The following STRA8 variants were observed in gnomAD, a reference collection of about 807,000 sequenced individuals.
STRA8 encodes the protein stimulated by retinoic acid 8, also known as stimulated by retinoic acid gene 8 protein homolog.
Under a neutral mutation model 37.1 loss-of-function variants are expected in STRA8, and 18 were observed. The observed-to-expected ratio is 0.48, with a 90% confidence interval of 0.34 to 0.72. The LOEUF is 0.72. Ranked by LOEUF, STRA8 falls within the 30% of genes least tolerant of loss-of-function variation. STRA8 has a pLI of 0.01. For synonymous variants in STRA8, 168 were observed against 162.9 expected (o/e 1.03, Z -0.24); for missense variants, 357 against 410.4 (o/e 0.87, Z 1.13).
intron 1 of STRA8, among the ~76,000 whole-genome samples, chr7:135,239,518 G>A (rs1000193538): frequency 1.3e-5 from 2 of 152,174 alleles, no homozygotes; most frequent in African/African-American, 2.4e-5. Context: ...AGCACCTAAT[G>A]GGGGCCAGGC....
intron 7 of STRA8, among the ~76,000 whole-genome samples, chr7:135,253,700 A>G (rs1215844894): frequency 3.3e-5 from 5 of 152,204 alleles, no homozygotes; most frequent in African/African-American, 4.8e-5. Flanking sequence ...TTCTGAGAGA[A>G]ATCCTTTAGG....
chr7:135,236,669 G>A (rs1186092006), intron 1 of STRA8, among the ~76,000 whole-genome samples: 1 of 152,104 alleles, frequency 6.6e-6, no homozygotes, highest in Non-Finnish European at 1.5e-5. Flanking sequence ...GATTTTTGAA[G>A]GCTTCTCAAT....
intron 4 of STRA8, 41 bp downstream of exon 4, chr7:135,243,451 G>A (rs1832498148): frequency 1.9e-6 from 3 of 1,593,678 alleles, no homozygotes; most frequent in Non-Finnish European, 2.6e-6. Context: ...GACCTGCTGT[G>A]TCCTCACAGC....
At position 135,246,848 on chromosome 7, in the gene STRA8, CTTTTT is replaced by C. The variant is rs144431845; in HGVS notation, c.879+156_879+160del. 2 of 676,208 alleles carry C rather than the reference CTTTTT, an allele frequency of 3.0e-6. No individual in the cohort carries two copies. The highest frequency in any genetic ancestry group is 2.0e-5 in the African/African-American group (1 of 50,492). 41.9% of individuals were successfully genotyped at this position (676,208 alleles called of 1,614,324 possible). A position where few individuals can be genotyped will look rare whatever the true frequency, so the allele number is the denominator to read the frequency against. On this transcript the variant is annotated intron_variant, in intron 6 of 8. Coordinates refer to ENST00000662584, the MANE Select transcript of STRA8 (RefSeq NM_001394401.1). The surrounding 1 kb of genome is among the most constrained non-coding windows in gnomAD (Gnocchi z 5.4). ...GTCGGTTTCTGATTTTCTTTTTTCTCTTTTTTTTTTTTTTGAGACGGAGTCTCGCT... is the reference window on the plus strand; with the variant it reads ...GTCGGTTTCTGATTTTCTTTTTTCTCTTTTTTTTTGAGACGGAGTCTCGCT...
At chr7:135,235,443 C>CT (rs35888510) in intron 1 of STRA8, among the ~76,000 whole-genome samples, 44,659 of 135,652 alleles carry the variant, frequency 0.33, 7,507 homozygotes, top group East Asian at 0.43. Context: ...ATGAGCATGA[C>CT]TTTTTTTTTT....
chr7:135,232,868 CCT>C (rs1406651619), upstream of STRA8, among the ~76,000 whole-genome samples: 1 of 152,168 alleles, frequency 6.6e-6, no homozygotes, highest in Non-Finnish European at 1.5e-5. Flanking sequence ...GCCTGTGACC[CCT>C]GTTTCACCCC....
chr7:135,235,140 AG>A (rs1174473022), intron 1 of STRA8, among the ~76,000 whole-genome samples: 2 of 151,934 alleles, frequency 1.3e-5, no homozygotes, highest in Non-Finnish European at 1.5e-5. Context: ...CCAAAGTGCT[AG>A]GATTACAGGC....
intron 6 of STRA8, among the ~76,000 whole-genome samples, chr7:135,250,017 C>T (rs373204453): frequency 2.0e-5 from 3 of 152,344 alleles, no homozygotes; most frequent in East Asian, 3.9e-4. Flanking sequence ...ACTCCCATGC[C>T]CGAGGCAGGG....
chr7:135,233,374 C>A (rs553636796), upstream of STRA8, among the ~76,000 whole-genome samples: 1 of 152,082 alleles, frequency 6.6e-6, no homozygotes, highest in Admixed American at 6.5e-5. Context: ...CATGTTTTCG[C>A]TTGAGGCAGC....
chr7:135,232,238 C>T (rs1832303764), upstream of STRA8, among the ~76,000 whole-genome samples: 1 of 151,700 alleles, frequency 6.6e-6, no homozygotes, highest in Non-Finnish European at 1.5e-5. Flanking sequence ...TTCACAAACC[C>T]CTAGGTCCCC....
intron 1 of STRA8, among the ~76,000 whole-genome samples, chr7:135,236,270 G>A (rs911771477): frequency 3.5e-5 from 5 of 142,020 alleles, no homozygotes; most frequent in African/African-American, 7.8e-5. Context: ...ATATATATGT[G>A]TGTGTGTATG....
At position 135,250,687 on chromosome 7, in the gene STRA8, C is replaced by T. The variant is rs532197826; in HGVS notation, c.880-1109C>T. On this transcript the variant is annotated intron_variant, in intron 6 of 8. Transcript: ENST00000662584. Reference sequence around the variant, plus strand: ...AGAGAACTTCCTCTCCTCTCCTAGGCGTGATTGCCAGTGCAAAGGAGATGT... The same window carrying T: ...AGAGAACTTCCTCTCCTCTCCTAGGTGTGATTGCCAGTGCAAAGGAGATGT... 8.5e-5 allele frequency among the ~76,000 whole-genome samples: 13 copies of T among 152,316 alleles called. No homozygotes were observed. The South Asian group carries it at 2.1e-3, about 24-fold the overall frequency.
At chr7:135,252,013 A>AGAGAGT (rs142941773) in intron 7 of STRA8, 144 bp downstream of exon 7, 6 of 505,290 alleles carry the variant, frequency 1.2e-5, no homozygotes, top group African/African-American at 6.7e-5. Flanking sequence ...AGAGAGAGAG[A>AGAGAGT]GTGTGTGTGT....
intron 2 of STRA8, 127 bp from the exon 3 acceptor site, chr7:135,242,654 A>G: frequency 2.6e-6 from 2 of 775,772 alleles, no homozygotes; most frequent in Admixed American, 2.4e-5. Flanking sequence ...TTTACTGACA[A>G]GGTTAAGGGA....
At chr7:135,257,213 G>T (rs1832715247) in intron 8 of STRA8, among the ~76,000 whole-genome samples, 1 of 152,246 alleles carries the variant, frequency 6.6e-6, no homozygotes, top group Non-Finnish European at 1.5e-5. Context: ...TTCATTAGAT[G>T]GTTGACTGGG....
chr7:135,251,999 A>C (rs1216880801), intron 7 of STRA8, 130 bp downstream of exon 7: 1 of 774,458 alleles, frequency 1.3e-6, no homozygotes, highest in Non-Finnish European at 2.2e-6. Flanking sequence ...GAGGAGACAG[A>C]GGGAGAGAGA....
At chr7:135,256,913 G>A (rs1305161362) in intron 8 of STRA8, among the ~76,000 whole-genome samples, 4 of 152,218 alleles carry the variant, frequency 2.6e-5, no homozygotes, top group Non-Finnish European at 1.5e-5. Context: ...TTTGGAATGA[G>A]CTGTCCAAGT....
In STRA8 at chr7:135,242,868, C is replaced by T. The variant is rs756465171; in HGVS notation, c.268+12C>T. 4.5e-5 allele frequency: 73 copies of T among 1,613,824 alleles called. No individual in the cohort carries two copies. Among genetic ancestry groups the T allele is most frequent in the Non-Finnish European group, 5.7e-5 (67 of 1,179,818 alleles). The stretch of plus-strand genomic sequence containing the variant: ...GCTGAAGCTGAAAGGTAATGGAGCA[C>T]TACTTGCCAACCCCATCTCCCTCCC... On this transcript the variant is annotated intron_variant, in intron 3 of 8. Transcript: ENST00000662584.
chr7:135,245,379 G>A lies in STRA8; in HGVS notation c.445G>A (p.Glu149Lys). 1.3e-6 allele frequency: 1 copy of A among 778,464 alleles called. No homozygotes were observed. The highest frequency in any genetic ancestry group is 2.3e-4 in the Middle Eastern group (1 of 4,440). 48.2% of individuals were successfully genotyped at this position (778,464 alleles called of 1,614,324 possible). A position where few individuals can be genotyped will look rare whatever the true frequency, so the allele number is the denominator to read the frequency against. The stretch of plus-strand genomic sequence containing the variant: ...GGATGCTGAGGAGGAGGAAGATGAG[G>A]AAGAGGAAGATCAAGAAGAAGAGGA... ...RKDAEEEEDE[E>K]EEDQEEEEEE... Residue 149 changes from glutamate (E) to lysine (K), a missense_variant, in exon 5 of 9, where the codon GAA becomes AAA. Physicochemically the swap from Glu to Lys is moderately conservative, Grantham distance 56. Transcript: ENST00000662584.
Sources: gnomAD v4.1 joint callset for allele counts (sites outside exome capture counted in the v4.1 genomes callset) on GRCh38, gnomAD v4.1.1 for gene constraint, Gnocchi (gnomAD v3.1) non-coding constraint, MANE v1.5 for transcripts, NCBI Gene and HGNC (gene_info 2026-07-23, HGNC 2026-07-21) for gene names.